ANAPC1: variants seen among roughly 807,000 people sequenced by gnomAD.
The protein encoded by ANAPC1 is anaphase-promoting complex subunit 1.
A neutral mutation model predicts 208.0 loss-of-function variants in ANAPC1; 36 were observed. The observed-to-expected ratio is 0.17, with a 90% CI of 0.13 to 0.23. The LOEUF (loss-of-function observed/expected upper bound fraction) is 0.23. Ranked by LOEUF, ANAPC1 falls within the 10% of genes least tolerant of loss-of-function variation. ANAPC1 has a pLI of 1.00. For synonymous variants in ANAPC1, 378 were observed against 695.2 expected, an observed-to-expected ratio of 0.54 and a Z score of 7.18; for missense variants, 942 against 2,011.6, an observed-to-expected ratio of 0.47 and a Z score of 10.17.
At chr2:111,843,748 T>C in intron 16 of ANAPC1, 149 bp from the exon 17 acceptor site, 1 of 594,576 alleles carries the variant, frequency 1.7e-6, no homozygotes, top group Non-Finnish European at 2.9e-6. Flanking sequence ...GATGCAAACA[T>C]TACCTAACCA....
chr2:111,831,829 A>C (rs1189792119), intron 20 of ANAPC1, among the ~76,000 whole-genome samples: 3 of 132,148 alleles, frequency 2.3e-5, no homozygotes, highest in African/African-American at 3.0e-5. Context: ...TCTGTCTCAA[A>C]AAAAAAAAAA....
At chr2:111,859,798 A>T (rs1681955157) in intron 10 of ANAPC1, among the ~76,000 whole-genome samples, 1 of 152,038 alleles carries the variant, frequency 6.6e-6, no homozygotes, top group Non-Finnish European at 1.5e-5. Context: ...CTTTATCCCA[A>T]TCTCACCACT....
chr2:111,784,438 TAGTC>T, intron 40 of ANAPC1, 38 bp from the exon 41 acceptor site: 1 of 1,608,678 alleles, frequency 6.2e-7, no homozygotes. Context: ...ATTCACTAGG[TAGTC>T]AGTGGAAACA....
At chr2:111,823,108 C>T (rs1679632575) in intron 24 of ANAPC1, among the ~76,000 whole-genome samples, 1 of 145,680 alleles carries the variant, frequency 6.9e-6, no homozygotes, top group African/African-American at 2.5e-5. Flanking sequence ...CTCCCGGGTT[C>T]ACGCCATTCT....
chr2:111,823,280 G>A (rs1679645055), intron 24 of ANAPC1, among the ~76,000 whole-genome samples: 1 of 151,872 alleles, frequency 6.6e-6, no homozygotes, highest in Non-Finnish European at 1.5e-5. Context: ...GCCTCCCAAA[G>A]TGCTGGCATT....
intron 46 of ANAPC1, among the ~76,000 whole-genome samples, chr2:111,774,206 G>A (rs1361580972): frequency 6.6e-6 from 1 of 151,024 alleles, no homozygotes; most frequent in Non-Finnish European, 1.5e-5. Flanking sequence ...ACAAAGGAGT[G>A]ACAGTGAAAT....
intron 17 of ANAPC1, among the ~76,000 whole-genome samples, chr2:111,842,630 G>A (rs1467289565): frequency 7.2e-6 from 1 of 139,308 alleles, no homozygotes; most frequent in Non-Finnish European, 1.5e-5. Context: ...GCGACAGAGC[G>A]ACATTCTGTC....
chr2:111,850,425 T>A (rs1231181682), intron 14 of ANAPC1, among the ~76,000 whole-genome samples: 1 of 152,208 alleles, frequency 6.6e-6, no homozygotes, highest in African/African-American at 2.4e-5. Flanking sequence ...TATCTTCCCA[T>A]CGGATGTTAT....
chr2:111,790,397 T>C (rs1036858178), intron 38 of ANAPC1, among the ~76,000 whole-genome samples: 1 of 152,150 alleles, frequency 6.6e-6, no homozygotes, highest in Non-Finnish European at 1.5e-5. Flanking sequence ...CATAAGACAA[T>C]GGAGTATTGG....
intron 1 of ANAPC1, among the ~76,000 whole-genome samples, chr2:111,883,706 A>G (rs12233011): frequency 0.62 from 94,150 of 152,020 alleles, 29,696 homozygotes; most frequent in Middle Eastern, 0.7. Context: ...ATGGGATGCT[A>G]CGCACAGCTC....
At chr2:111,837,809 TG>T (rs1217628568) in intron 18 of ANAPC1, among the ~76,000 whole-genome samples, 5 of 151,684 alleles carry the variant, frequency 3.3e-5, no homozygotes, top group African/African-American at 1.2e-4. Context: ...GGAGGCCAGG[TG>T]TGGTGGCTCA....
intron 21 of ANAPC1, among the ~76,000 whole-genome samples, chr2:111,829,340 G>T (rs975811985): frequency 4.6e-5 from 7 of 152,106 alleles, no homozygotes; most frequent in African/African-American, 1.2e-4. Context: ...CCATGGGGGG[G>T]ACTGTGAAGC....
intron 18 of ANAPC1, among the ~76,000 whole-genome samples, chr2:111,837,610 CA>C (rs34106530): frequency 0.084 from 11,907 of 141,692 alleles, 518 homozygotes; most frequent in African/African-American, 0.26. Context: ...GACTCCGTCT[CA>C]AAAAAAAAAA....
intron 16 of ANAPC1, among the ~76,000 whole-genome samples, chr2:111,845,852 G>A (rs1318123914): frequency 2.0e-5 from 3 of 151,898 alleles, no homozygotes; most frequent in Non-Finnish European, 4.4e-5. Flanking sequence ...GCGGGCACCT[G>A]TAGTCCCAGC....
In ANAPC1 at chr2:111,864,033, T is replaced by G. The variant is rs1483337027; in HGVS notation, c.832-138A>C. 68 of 1,166,416 alleles carry G rather than the reference T, an allele frequency of 5.8e-5. No homozygotes were observed. The Middle Eastern group carries it at 8.8e-4, about 15-fold the overall frequency. 72.3% of individuals were successfully genotyped at this position (1,166,416 alleles called of 1,614,324 possible). A position where few individuals can be genotyped will look rare whatever the true frequency, so the allele number is the denominator to read the frequency against. ...CTTCTTTCCTAAGAAGCTCAATCTA[T>G]TTCTCAAATGAGGCCAGGTGCCGTG... On this transcript the variant is annotated intron_variant, in intron 8 of 47. Coordinates refer to ENST00000341068, the MANE Select transcript of ANAPC1 (RefSeq NM_022662.4).
rs1677117922 is a variant in ANAPC1, at chr2:111,778,710, G to A, written c.5350C>T (p.Pro1784Ser). The change falls in exon 45 of 48, where the codon CCA becomes TCA. Residue 1784 changes from proline (P) to serine (S), a missense_variant. Coordinates refer to ENST00000341068, the MANE Select transcript of ANAPC1 (RefSeq NM_022662.4). Reference sequence around the variant, plus strand: ...GCGATGTATGCAGGCAACATCTCTGGGGTCTCCTGGGTAACACATTCATAG... The same window carrying A: ...GCGATGTATGCAGGCAACATCTCTGAGGTCTCCTGGGTAACACATTCATAG... ...VLYECVTQET[P>S]EMLPAYIAMD... 6.2e-7 allele frequency: 1 copy of A among 1,601,910 alleles called. No homozygotes were observed. The highest frequency in any genetic ancestry group is 1.4e-5 in the African/African-American group (1 of 72,856).
At chr2:111,880,263 T>C (rs1683230585) in intron 2 of ANAPC1, among the ~76,000 whole-genome samples, 1 of 151,852 alleles carries the variant, frequency 6.6e-6, no homozygotes, top group African/African-American at 2.4e-5. Context: ...TCCCAGCTAC[T>C]CGGGAGGCTG....
At chr2:111,842,559 C>T (rs943084120) in intron 17 of ANAPC1, among the ~76,000 whole-genome samples, 3 of 149,702 alleles carry the variant, frequency 2.0e-5, no homozygotes, top group East Asian at 2.0e-4. Context: ...AGGAAAATGG[C>T]GTGAACCCAG....
At chr2:111,823,596 A>G (rs1343388459) in intron 24 of ANAPC1, among the ~76,000 whole-genome samples, 4 of 152,224 alleles carry the variant, frequency 2.6e-5, no homozygotes, top group Admixed American at 6.5e-5. Flanking sequence ...AGTAATCTCT[A>G]TATCAGAGAA....
Sources: gnomAD v4.1 joint callset for allele counts (sites outside exome capture counted in the v4.1 genomes callset) on GRCh38, gnomAD v4.1.1 for gene constraint, MANE v1.5 for transcripts, NCBI Gene and HGNC (gene_info 2026-07-23, HGNC 2026-07-21) for gene names.